Variants in TRERF1 observed in about 807,000 individuals in gnomAD.
TRERF1 encodes transcriptional-regulating factor 1.
In TRERF1, 27 loss-of-function variants were observed where a neutral mutation model predicts 122.9. The ratio of observed to expected loss-of-function variants is 0.22; its 90% CI spans 0.16 to 0.30. TRERF1 has a LOEUF of 0.30. Ranked by LOEUF, TRERF1 falls within the 10% of genes least tolerant of loss-of-function variation. The probability of loss-of-function intolerance (pLI) is 1.00; values close to 1 mark genes in which losing one functional copy is unlikely to be tolerated. For missense variants in TRERF1, 1,248 were observed against 1,560.3 expected, an observed-to-expected ratio of 0.80 and a Z score of 3.37; for synonymous variants, 636 against 641.7, an observed-to-expected ratio of 0.99 and a Z score of 0.13.
At chr6:42,442,269 A>T (rs1786666101) in intron 2 of TRERF1, among the ~76,000 whole-genome samples, 1 of 142,712 alleles carries the variant, frequency 7.0e-6, no homozygotes, top group South Asian at 2.2e-4. Flanking sequence ...CTTTTCCTTT[A>T]AAAAAAAAAA....
intron 16 of TRERF1, among the ~76,000 whole-genome samples, chr6:42,235,395 A>G (rs11969135): frequency 0.033 from 5,012 of 152,344 alleles, 298 homozygotes; most frequent in African/African-American, 0.11. Context: ...GACTAGTGGC[A>G]GACCAGCGGG....
chr6:42,358,679 G>A (rs1353551124), intron 3 of TRERF1, among the ~76,000 whole-genome samples: 1 of 151,578 alleles, frequency 6.6e-6, no homozygotes, highest in Non-Finnish European at 1.5e-5. Flanking sequence ...TTGGCATCAA[G>A]ATGGTTTTTT....
chr6:42,391,993 C>T (rs988284695), intron 2 of TRERF1, among the ~76,000 whole-genome samples: 10 of 152,348 alleles, frequency 6.6e-5, no homozygotes, highest in Middle Eastern at 3.4e-3. Flanking sequence ...GAGTTGGAAT[C>T]CAAACAGCTG....
chr6:42,415,187 C>T (rs1173678960), intron 2 of TRERF1, among the ~76,000 whole-genome samples: 1 of 152,136 alleles, frequency 6.6e-6, no homozygotes, highest in African/African-American at 2.4e-5. Context: ...GAACCACTTA[C>T]ACTTCTTTTC....
At chr6:42,342,604 G>A (rs74378385) in intron 3 of TRERF1, among the ~76,000 whole-genome samples, 4,019 of 152,276 alleles carry the variant, frequency 0.026, 185 homozygotes, top group African/African-American at 0.092. Flanking sequence ...AGAAAATGCT[G>A]TCAAAGTCTA....
intron 3 of TRERF1, among the ~76,000 whole-genome samples, chr6:42,342,089 T>A (rs562901578): frequency 1.3e-5 from 2 of 152,388 alleles, no homozygotes; most frequent in Non-Finnish European, 2.9e-5. Flanking sequence ...TTATTCTGCA[T>A]GTGTCTACTG....
At position 42,268,632 on chromosome 6, in the gene TRERF1, G is replaced by A; in HGVS notation, c.959C>T (p.Ser320Leu). 1.9e-6 allele frequency: 3 copies of A among 1,614,120 alleles called. No homozygotes were observed. Among genetic ancestry groups the A allele is most frequent in the Non-Finnish European group, 2.5e-6 (3 of 1,179,984 alleles). ...CTGATAATACTGAGGTATCTGCATT[G>A]AACCCTGCCGCTGCTGCAGCTGTAG... The change falls in exon 5 of 18, where the codon TCA (serine) becomes TTA (leucine). Residue 320 changes from serine (S) to leucine (L), a missense_variant. Ser to Leu is a moderately radical substitution (Grantham distance 145). Transcript: ENST00000372922. The surrounding 1 kb of genome is among the most constrained non-coding windows in gnomAD (Gnocchi z 4.4).
rs561279398 is a variant in TRERF1, at chr6:42,281,270, C to T, written c.-258-11422G>A. 7.2e-5 allele frequency among the ~76,000 whole-genome samples: 11 copies of T among 152,256 alleles called. No individual in the cohort carries two copies. In the South Asian group the frequency reaches 2.1e-3, roughly 29 times the overall value. ...AACCAAGAAGACAGAAATGCGGCCC[C>T]GGAGCCTGGGCTGCAGGGAGAGTGT... On this transcript the variant is annotated intron_variant, in intron 4 of 17. Coordinates refer to ENST00000372922, the Ensembl canonical transcript of TRERF1.
rs1785685950 is a variant in TRERF1, at chr6:42,299,200, T to TCTA, written c.-259+1437_-259+1438insTAG. Reference sequence around the variant, plus strand: ...AAAAACACACATAGAGTCTGTTTTTTTCTATCTATCTATCTATCTATCTAT... The same window carrying TCTA: ...AAAAACACACATAGAGTCTGTTTTTTCTATCTATCTATCTATCTATCTATCTAT... On this transcript the variant is annotated intron_variant, in intron 4 of 17. Transcript: ENST00000372922. Among the ~76,000 whole-genome samples the TCTA allele has an allele frequency of 4.1e-5, 6 of 146,598 alleles. No homozygotes were observed. In the South Asian group the frequency reaches 1.1e-3, roughly 27 times the overall value.
chr6:42,445,319 G>C (rs1787281440), intron 2 of TRERF1, among the ~76,000 whole-genome samples: 1 of 148,898 alleles, frequency 6.7e-6, no homozygotes, highest in South Asian at 2.1e-4. Context: ...TGATTTTTCT[G>C]GCCTTATCAG....
At chr6:42,289,732 G>A (rs984980627) in intron 4 of TRERF1, among the ~76,000 whole-genome samples, 5 of 152,314 alleles carry the variant, frequency 3.3e-5, no homozygotes, top group Non-Finnish European at 5.9e-5. Flanking sequence ...TCGACAGGCA[G>A]TGGCTAGATT....
At chr6:42,313,540 T>C (rs1302699615) in intron 3 of TRERF1, among the ~76,000 whole-genome samples, 4 of 152,152 alleles carry the variant, frequency 2.6e-5, no homozygotes, top group African/African-American at 9.7e-5. Context: ...CCTGTAAATC[T>C]GAGCCTTCCC....
chr6:42,450,979 G>C (rs939146044), intron 2 of TRERF1, among the ~76,000 whole-genome samples, 198 bp downstream of exon 2: 8 of 151,994 alleles, frequency 5.3e-5, no homozygotes, highest in Non-Finnish European at 7.4e-5. Context: ...CTCCCCCTTT[G>C]CTGGGATGCT....
intron 11 of TRERF1, 32 bp downstream of exon 11, chr6:42,256,931 T>C (rs929505009): frequency 1.2e-6 from 2 of 1,613,514 alleles, no homozygotes; most frequent in Non-Finnish European, 1.7e-6. Flanking sequence ...GAATCAAACC[T>C]CTCCCACCCA....
Position 42,243,381 on chromosome 6 carries a change from A to G in TRERF1, c.2746-20T>C, listed in dbSNP as rs765340730. On this transcript the variant is annotated intron_variant, in intron 14 of 17. Coordinates refer to ENST00000372922, the Ensembl canonical transcript of TRERF1. ...CTTCACCTGCCGGGAAAGCGAACTC[A>G]AGGTTAGCTCCAGCAATGGGCAGAG... 1.0e-5 allele frequency: 16 copies of G among 1,561,784 alleles called. No homozygotes were observed. Among genetic ancestry groups the G allele is most frequent in the Middle Eastern group, 1.7e-4 (1 of 5,970 alleles).
intron 13 of TRERF1, among the ~76,000 whole-genome samples, chr6:42,247,831 T>C (rs1485435275): frequency 7.2e-5 from 11 of 152,222 alleles, no homozygotes; most frequent in Admixed American, 7.2e-4. Flanking sequence ...GCCTGCTGAA[T>C]TCTCCACATC....
At chr6:42,292,167 G>A (rs1021226644) in intron 4 of TRERF1, among the ~76,000 whole-genome samples, 1 of 152,204 alleles carries the variant, frequency 6.6e-6, no homozygotes, top group African/African-American at 2.4e-5. Context: ...CTGGGGTGGG[G>A]TTTCTGTTGT....
At chr6:42,272,587 A>C (rs1483830998) in intron 4 of TRERF1, among the ~76,000 whole-genome samples, 1 of 152,182 alleles carries the variant, frequency 6.6e-6, no homozygotes, top group African/African-American at 2.4e-5. Flanking sequence ...TGTCCAGATG[A>C]AAATTTGAGA....
chr6:42,290,215 C>T (rs1183657057), intron 4 of TRERF1, among the ~76,000 whole-genome samples: 1 of 152,210 alleles, frequency 6.6e-6, no homozygotes, highest in East Asian at 1.9e-4. Flanking sequence ...TTGTCTCCTC[C>T]ATCAAACTAG....
Sources: allele counts gnomAD v4.1 joint callset (sites outside exome capture counted in the v4.1 genomes callset), GRCh38; gene constraint gnomAD v4.1.1; non-coding constraint Gnocchi (gnomAD v3.1); transcripts MANE v1.5; gene names NCBI Gene and HGNC (gene_info 2026-07-23, HGNC 2026-07-21).